Variants in SH3RF2 observed in about 807,000 individuals in gnomAD.
SH3RF2 encodes SH3 domain containing ring finger 2, also known as E3 ubiquitin-protein ligase SH3RF2.
A neutral mutation model predicts 59.0 loss-of-function variants in SH3RF2; 43 were observed. That is an observed-to-expected ratio of 0.73 (90% confidence interval 0.57 to 0.94). SH3RF2 has a LOEUF of 0.94. SH3RF2 is among the 40% of genes least tolerant of loss of function. The probability of loss-of-function intolerance (pLI) is 0.00; values close to 1 mark genes in which losing one functional copy is unlikely to be tolerated. For synonymous variants in SH3RF2, 391 were observed against 391.5 expected, an observed-to-expected ratio of 1.00 and a Z score of 0.01; for missense variants, 930 against 940.1, an observed-to-expected ratio of 0.99 and a Z score of 0.14.
At chr5:145,976,181 A>G (rs533018673) in intron 2 of SH3RF2, among the ~76,000 whole-genome samples, 2 of 152,330 alleles carry the variant, frequency 1.3e-5, no homozygotes, top group East Asian at 3.9e-4. Context: ...AATGCAGGAT[A>G]TTGCAGGGGA....
chr5:146,027,082 C>A (rs1761554126), intron 5 of SH3RF2, among the ~76,000 whole-genome samples: 1 of 152,198 alleles, frequency 6.6e-6, no homozygotes, highest in Admixed American at 6.5e-5. Flanking sequence ...CAGAGATGAT[C>A]TGTTGGAGCC....
intron 5 of SH3RF2, among the ~76,000 whole-genome samples, chr5:146,018,032 T>A (rs1192953000): frequency 6.6e-6 from 1 of 152,236 alleles, no homozygotes; most frequent in Non-Finnish European, 1.5e-5. Flanking sequence ...GGTATGCTCA[T>A]TTTACCAAAC....
chr5:146,000,388 A>G, intron 3 of SH3RF2, 61 bp downstream of exon 3: 1 of 1,455,638 alleles, frequency 6.9e-7, no homozygotes, highest in Non-Finnish European at 9.1e-7. Flanking sequence ...AGCAGAACAG[A>G]GTTCCTTGTT....
intron 5 of SH3RF2, among the ~76,000 whole-genome samples, chr5:146,019,198 A>G (rs1761218547): frequency 6.6e-6 from 1 of 152,010 alleles, no homozygotes; most frequent in Non-Finnish European, 1.5e-5. Context: ...GCCCATGTCC[A>G]GAAGAGTTTT....
chr5:146,033,452 T>C (rs11744447), intron 5 of SH3RF2, among the ~76,000 whole-genome samples: 2,498 of 35,536 alleles, frequency 0.07, 140 homozygotes, highest in African/African-American at 0.1. Context: ...AGCCCTTAGC[T>C]TTTTTTTTTT....
downstream of SH3RF2, among the ~76,000 whole-genome samples, chr5:146,064,803 G>GAAAGAAA (rs1763048350): frequency 2.9e-4 from 6 of 20,844 alleles, no homozygotes; most frequent in African/African-American, 7.9e-4. Context: ...AAGGAAGGAA[G>GAAAGAAA]GAAGGAAAGA....
chr5:145,943,753 G>A (rs1450192201), intron 2 of SH3RF2, among the ~76,000 whole-genome samples: 1 of 152,136 alleles, frequency 6.6e-6, no homozygotes, highest in Non-Finnish European at 1.5e-5. Flanking sequence ...TGGCCAAGCA[G>A]TGGACAAACC....
chr5:146,014,448 G>A (rs1761031680), intron 5 of SH3RF2, among the ~76,000 whole-genome samples: 1 of 152,102 alleles, frequency 6.6e-6, no homozygotes, highest in Non-Finnish European at 1.5e-5. Context: ...CACAATCTGA[G>A]ATTCAATATC....
At chr5:145,998,823 A>G (rs1333088711) in intron 2 of SH3RF2, among the ~76,000 whole-genome samples, 1 of 152,140 alleles carries the variant, frequency 6.6e-6, no homozygotes, top group African/African-American at 2.4e-5. Flanking sequence ...AGGCAGGAGA[A>G]TCACTTGAAC....
In SH3RF2 at chr5:146,049,059, C is replaced by T. The variant is rs775982236; in HGVS notation, c.1152-16C>T. On this transcript the variant is annotated splice_polypyrimidine_tract_variant and intron_variant, in intron 6 of 9. Transcript: ENST00000359120. ...CGTCTTCCTTCCTCCCTCACCAGTT[C>T]TCTGTGTCTTCCCAGGTTTGTAGCC... is the stretch of plus-strand genomic sequence containing the variant. 2.5e-6 allele frequency: 4 copies of T among 1,613,928 alleles called. No individual in the cohort carries two copies. The Admixed American group carries it at 6.7e-5, about 27-fold the overall frequency.
chr5:146,066,960 G>A (rs1687078430), downstream of SH3RF2, among the ~76,000 whole-genome samples: 1 of 152,144 alleles, frequency 6.6e-6, no homozygotes, highest in Non-Finnish European at 1.5e-5. Flanking sequence ...GGGAAAATGG[G>A]AGACATCTGA....
chr5:145,985,925 G>A (rs972514669), intron 2 of SH3RF2, among the ~76,000 whole-genome samples: 3 of 151,970 alleles, frequency 2.0e-5, no homozygotes, highest in Non-Finnish European at 4.4e-5. Context: ...GATCTCTTGA[G>A]CCCAGGAGTT....
chr5:146,053,149 C>G (rs547507572), intron 7 of SH3RF2, among the ~76,000 whole-genome samples: 7 of 152,236 alleles, frequency 4.6e-5, no homozygotes, highest in African/African-American at 1.4e-4. Flanking sequence ...AATTTAAGAG[C>G]CAGCAAGTGA....
intron 2 of SH3RF2, among the ~76,000 whole-genome samples, chr5:145,992,574 C>T (rs1483450818): frequency 6.6e-6 from 1 of 152,162 alleles, no homozygotes; most frequent in African/African-American, 2.4e-5. Flanking sequence ...TTCCACATGG[C>T]TGGGGAAGCC....
chr5:145,939,066 C>A (rs1757709806), intron 2 of SH3RF2, among the ~76,000 whole-genome samples: 1 of 152,224 alleles, frequency 6.6e-6, no homozygotes, highest in African/African-American at 2.4e-5. Flanking sequence ...ATCGCTCTGT[C>A]CAGCGCTGAA....
chr5:145,957,981 C>T (rs931348434), intron 2 of SH3RF2, among the ~76,000 whole-genome samples: 15 of 151,992 alleles, frequency 9.9e-5, no homozygotes, highest in South Asian at 6.2e-4. Flanking sequence ...GGCATGGTGG[C>T]GCATGCCTGT....
In SH3RF2 at chr5:145,961,670, AAGAAAGATAAGTTGATCAGGGC is replaced by A. The variant is rs552868108; in HGVS notation, c.378+23368_378+23389del. On this transcript the variant is annotated intron_variant, in intron 2 of 9. Coordinates refer to ENST00000359120, the MANE Select transcript of SH3RF2 (RefSeq NM_152550.4). ...CGTGAATAGAGGCCATCAATTCAGCAAGAAAGATAAGTTGATCAGGGCAGATGTGAGCCTGAGGCATGGATTT... is the reference window on the plus strand; with the variant it reads ...CGTGAATAGAGGCCATCAATTCAGCAAGATGTGAGCCTGAGGCATGGATTT... Among the ~76,000 whole-genome samples, 4 of 152,340 alleles carry A rather than the reference AAGAAAGATAAGTTGATCAGGGC, an allele frequency of 2.6e-5. No homozygotes were observed. In the East Asian group the frequency reaches 5.8e-4, roughly 22 times the overall value.
chr5:146,036,304 C>T (rs1761935109), intron 5 of SH3RF2, among the ~76,000 whole-genome samples: 1 of 152,210 alleles, frequency 6.6e-6, no homozygotes, highest in Non-Finnish European at 1.5e-5. Flanking sequence ...CCCGTGGTAT[C>T]AGCTACAGAG....
At chr5:145,948,850 G>A (rs191905775) in intron 2 of SH3RF2, among the ~76,000 whole-genome samples, 1 of 152,334 alleles carries the variant, frequency 6.6e-6, no homozygotes, top group East Asian at 1.9e-4. Flanking sequence ...AGTGCTGTCT[G>A]TTCATGTCTC....
Sources: allele counts gnomAD v4.1 joint callset (sites outside exome capture counted in the v4.1 genomes callset), GRCh38; gene constraint gnomAD v4.1.1; transcripts MANE v1.5; gene names NCBI Gene and HGNC (gene_info 2026-07-23, HGNC 2026-07-21).